Variants in RAB27B observed in about 807,000 individuals in gnomAD.
The protein encoded by RAB27B is RAB27B, member RAS oncogene family.
A neutral mutation model predicts 24.6 loss-of-function variants in RAB27B; 15 were observed. The ratio of observed to expected loss-of-function variants is 0.61; its 90% confidence interval spans 0.41 to 0.94. RAB27B has a LOEUF of 0.94. Among genes scored for constraint, RAB27B ranks in the 40% least tolerant of loss-of-function variants. The pLI, the probability that RAB27B is intolerant of heterozygous loss-of-function variation, is 0.00. For missense variants in RAB27B, 261 were observed against 266.8 expected (o/e 0.98, Z 0.15); for synonymous variants, 105 against 92.5 (o/e 1.14, Z -0.78).
intron 2 of RAB27B, among the ~76,000 whole-genome samples, chr18:54,759,507 C>G (rs191206647): frequency 1.3e-5 from 2 of 152,274 alleles, no homozygotes; most frequent in Admixed American, 1.3e-4. Flanking sequence ...GTGTCTTGTG[C>G]CTGAGCAATC....
At chr18:54,839,960 T>C (rs1056864292) in intron 1 of RAB27B, among the ~76,000 whole-genome samples, 10 of 152,212 alleles carry the variant, frequency 6.6e-5, no homozygotes, top group Non-Finnish European at 1.5e-4. Flanking sequence ...TGACACCTTA[T>C]TAAGGAAGAA....
intron 2 of RAB27B, among the ~76,000 whole-genome samples, chr18:54,819,380 A>C (rs1034495768): frequency 1.3e-5 from 2 of 149,720 alleles, no homozygotes; most frequent in Non-Finnish European, 3.0e-5. Flanking sequence ...ATCATACAAA[A>C]AATTAGCTAA....
At chr18:54,743,384 A>C (rs1329097479) in intron 2 of RAB27B, among the ~76,000 whole-genome samples, 2 of 152,228 alleles carry the variant, frequency 1.3e-5, no homozygotes, top group Non-Finnish European at 2.9e-5. Flanking sequence ...TTGGAGCTCC[A>C]GACAGTACAA....
At chr18:54,819,936 C>T (rs1017484466) in intron 2 of RAB27B, among the ~76,000 whole-genome samples, 15 of 152,228 alleles carry the variant, frequency 9.9e-5, no homozygotes, top group African/African-American at 3.6e-4. Context: ...CATGTCCCTA[C>T]AAAGGATATG....
chr18:54,854,888 T>G (rs1911720714), intron 1 of RAB27B, among the ~76,000 whole-genome samples: 1 of 152,372 alleles, frequency 6.6e-6, no homozygotes, highest in East Asian at 1.9e-4. Context: ...GGGACGGGTT[T>G]CATGACTATT....
intron 2 of RAB27B, among the ~76,000 whole-genome samples, chr18:54,817,896 C>G (rs572096889): frequency 6.6e-6 from 1 of 151,982 alleles, no homozygotes. Context: ...GTTTCAGTAT[C>G]TTTGAATTCA....
intron 1 of RAB27B, among the ~76,000 whole-genome samples, chr18:54,842,984 G>A (rs1240509344): frequency 6.6e-6 from 1 of 152,086 alleles, no homozygotes; most frequent in Non-Finnish European, 1.5e-5. Context: ...TTTTAGTAGA[G>A]ACGGTGTTTC....
At chr18:54,882,857 G>A (rs150755328) in intron 3 of RAB27B, among the ~76,000 whole-genome samples, 45 of 152,208 alleles carry the variant, frequency 3.0e-4, no homozygotes, top group African/African-American at 4.1e-4. Context: ...TTAAAATGTC[G>A]TTAGTAGAGC....
rs1385002587 is a variant in RAB27B at position 54,856,807 on chromosome 18, GTGAGT to G, written c.-19-20758_-19-20754del. Among the ~76,000 whole-genome samples the G allele has an allele frequency of 1.2e-3, 185 of 152,294 alleles. 2 individuals carry two copies. The Middle Eastern group carries it at 0.014, about 11-fold the overall frequency. ...TTAGCACCTGATAAATGTTTGCTGG[GTGAGT>G]TAATGAGTAAATCAGTTAATCTGGG... On this transcript the variant is annotated intron_variant, in intron 1 of 5. Coordinates refer to ENST00000262094, the MANE Select transcript of RAB27B (RefSeq NM_004163.4).
intron 1 of RAB27B, among the ~76,000 whole-genome samples, chr18:54,863,956 T>C (rs1403381332): frequency 2.0e-5 from 3 of 152,246 alleles, no homozygotes; most frequent in Non-Finnish European, 1.5e-5. Context: ...CTATTATGAA[T>C]AATGCTGCTA....
At chr18:54,819,548 G>GAAAA (rs770260592) in intron 2 of RAB27B, among the ~76,000 whole-genome samples, 127 of 120,014 alleles carry the variant, frequency 1.1e-3, no homozygotes, top group African/African-American at 3.6e-3. Flanking sequence ...AAAAAAAAAA[G>GAAAA]AAAAAAAAAA....
intron 1 of RAB27B, among the ~76,000 whole-genome samples, chr18:54,874,991 T>C (rs922944657): frequency 6.6e-6 from 1 of 152,102 alleles, no homozygotes; most frequent in Non-Finnish European, 1.5e-5. Context: ...CAACTAAGAA[T>C]AAGAGCAGCA....
In RAB27B at chr18:54,779,932, C is replaced by T. The variant is rs138461015; in HGVS notation, c.-20+61791C>T. On this transcript the variant is annotated intron_variant, in intron 2 of 4. Coordinates refer to the RAB27B transcript ENST00000586570. ...TCTCTACCGTCTCCTGACTGCTTCT[C>T]CCTCACCATGTCCCCCCTCTCCTGA... Among the ~76,000 whole-genome samples, 431 of 125,522 alleles carry T rather than the reference C, an allele frequency of 3.4e-3. 4 individuals carry two copies. Among genetic ancestry groups the T allele is most frequent in the South Asian group, 0.032 (126 of 3,902 alleles). The allele number at this position is 125,522 out of a possible 152,430, so 82.3% of individuals were successfully genotyped here.
At chr18:54,727,914 C>A (rs931524196) in intron 2 of RAB27B, among the ~76,000 whole-genome samples, 3 of 152,114 alleles carry the variant, frequency 2.0e-5, no homozygotes, top group African/African-American at 4.8e-5. Context: ...ACCTTAACAG[C>A]TAGCCGGATG....
intron 1 of RAB27B, among the ~76,000 whole-genome samples, chr18:54,872,435 G>A (rs1020009845): frequency 7.2e-5 from 11 of 151,964 alleles, no homozygotes; most frequent in Admixed American, 7.2e-4. Context: ...AGACCAGCCT[G>A]AACAAAATGG....
chr18:54,857,582 TTAAATAGAAGCCTGGCATA>T (rs1911835458), intron 1 of RAB27B, among the ~76,000 whole-genome samples: 1 of 152,224 alleles, frequency 6.6e-6, no homozygotes, highest in Non-Finnish European at 1.5e-5. Context: ...CATGATCAGG[TTAAATAGAAGCCTGGCATA>T]TAAATAGAAG....
Position 54,888,128 on chromosome 18 carries a change from T to C in RAB27B, c.467+10T>C. On this transcript the variant is annotated intron_variant, in intron 5 of 5. Transcript: ENST00000262094. ...TGGCTGACAAATATGGGTAAGTCAG[T>C]TACACTGAGATGGCATGTGACTTGC... The C allele has an allele frequency of 1.2e-6, 2 of 1,611,894 alleles. No individual in the cohort carries two copies. The highest frequency in any genetic ancestry group is 1.1e-5 in the South Asian group (1 of 90,652).
At chr18:54,864,765 A>T (rs1193767896) in intron 1 of RAB27B, among the ~76,000 whole-genome samples, 1 of 152,068 alleles carries the variant, frequency 6.6e-6, no homozygotes, top group Non-Finnish European at 1.5e-5. Flanking sequence ...CTATTTGTCT[A>T]TCCTTATGCC....
At chr18:54,733,708 A>G (rs561968257) in intron 2 of RAB27B, among the ~76,000 whole-genome samples, 1 of 124,852 alleles carries the variant, frequency 8.0e-6, no homozygotes, top group African/African-American at 3.0e-5. Context: ...CTTCTTTCCT[A>G]TTCCCTGTCC....
Sources: allele counts gnomAD v4.1 joint callset (sites outside exome capture counted in the v4.1 genomes callset), GRCh38; gene constraint gnomAD v4.1.1; transcripts MANE v1.5; gene names NCBI Gene and HGNC (gene_info 2026-07-23, HGNC 2026-07-21).